R3HDM2: variants seen among roughly 807,000 people sequenced by gnomAD.
R3HDM2 encodes the protein R3H domain containing 2.
Under a neutral mutation model 124.5 loss-of-function variants are expected in R3HDM2, and 38 were observed. The observed-to-expected ratio is 0.31, with a 90% confidence interval of 0.24 to 0.40. The LOEUF (loss-of-function observed/expected upper bound fraction) is 0.40. R3HDM2 is among the 10% of genes least tolerant of loss of function. The pLI, the probability that R3HDM2 is intolerant of heterozygous loss-of-function variation, is 1.00. For missense variants in R3HDM2, 869 were observed against 1,236.9 expected (o/e 0.70, Z 4.46); for synonymous variants, 391 against 448.0 (o/e 0.87, Z 1.61).
Position 57,256,080 on chromosome 12 carries a change from A to G in R3HDM2, c.2548-6T>C, listed in dbSNP as rs375326104. 1.7e-5 allele frequency: 27 copies of G among 1,612,160 alleles called. No individual in the cohort carries two copies. Among genetic ancestry groups the G allele is most frequent in the Non-Finnish European group, 2.0e-5 (24 of 1,178,370 alleles). On this transcript the variant is annotated splice_region_variant and splice_polypyrimidine_tract_variant and intron_variant, in intron 22 of 23. Transcript: ENST00000402412. ...TGCTTCAGTCCACTCTGTCCCTTCA[A>G]CATTTGAAAGACGACTCTCATCCCA...
intron 2 of R3HDM2, among the ~76,000 whole-genome samples, chr12:57,375,820 A>G (rs1368528355): frequency 2.6e-5 from 4 of 151,872 alleles, no homozygotes; most frequent in African/African-American, 9.7e-5. Context: ...TTACAGGCCC[A>G]CACCACCATG....
At chr12:57,407,952 T>C (rs2068675420) in intron 1 of R3HDM2, among the ~76,000 whole-genome samples, 1 of 149,722 alleles carries the variant, frequency 6.7e-6, no homozygotes, top group South Asian at 2.1e-4. Context: ...TTTCTGATGG[T>C]GGAGTCTCAC....
At chr12:57,345,116 G>A (rs1291508512) in intron 2 of R3HDM2, among the ~76,000 whole-genome samples, 1 of 151,918 alleles carries the variant, frequency 6.6e-6, no homozygotes, top group African/African-American at 2.4e-5. Context: ...TTACAGGCAT[G>A]AGCCACTGCA....
At chr12:57,346,798 G>A (rs753704797) in intron 2 of R3HDM2, among the ~76,000 whole-genome samples, 22 of 152,334 alleles carry the variant, frequency 1.4e-4, no homozygotes, top group Middle Eastern at 3.4e-3. Context: ...TTTGATGTTT[G>A]AGAGCGAAAG....
At chr12:57,280,701 G>T (rs2045920988) in intron 13 of R3HDM2, among the ~76,000 whole-genome samples, 171 bp from the exon 14 acceptor site, 1 of 152,092 alleles carries the variant, frequency 6.6e-6, no homozygotes, top group Non-Finnish European at 1.5e-5. Flanking sequence ...ATGCATTTCA[G>T]CTGCCTTGCT....
chr12:57,361,150 C>A (rs2061911906), intron 2 of R3HDM2, among the ~76,000 whole-genome samples: 1 of 150,110 alleles, frequency 6.7e-6, no homozygotes, highest in African/African-American at 2.5e-5. Flanking sequence ...CCGAAGTGGG[C>A]AGATCACCTG....
In R3HDM2 at chr12:57,276,058, A is replaced by T. The variant is rs370520861; in HGVS notation, c.1344+4300T>A. 7.6e-4 allele frequency among the ~76,000 whole-genome samples: 116 copies of T among 152,250 alleles called. 1 individual carries two copies. The South Asian group carries it at 0.023, about 30-fold the overall frequency. On this transcript the variant is annotated intron_variant, in intron 14 of 23. Transcript: ENST00000402412. Reference sequence around the variant, plus strand: ...TGGTGAAACCCCGTCTCTACTAAAAATACAAAAAATTAGCTGGGCGTGGTG... The same window carrying T: ...TGGTGAAACCCCGTCTCTACTAAAATTACAAAAAATTAGCTGGGCGTGGTG...
intron 1 of R3HDM2, among the ~76,000 whole-genome samples, chr12:57,427,620 G>A (rs1008504356): frequency 6.6e-6 from 1 of 151,952 alleles, no homozygotes; most frequent in Non-Finnish European, 1.5e-5. Context: ...AAAGTGCTGG[G>A]ACTATAGGTG....
intron 1 of R3HDM2, among the ~76,000 whole-genome samples, chr12:57,419,167 G>A (rs1399233544): frequency 2.2e-5 from 3 of 138,046 alleles, no homozygotes; most frequent in African/African-American, 8.2e-5. Context: ...TTTTTGATAC[G>A]GATTCTTGCT....
chr12:57,382,818 A>G (rs1417449683), intron 2 of R3HDM2, among the ~76,000 whole-genome samples: 2 of 151,758 alleles, frequency 1.3e-5, no homozygotes, highest in African/African-American at 4.8e-5. Flanking sequence ...CCTGGGCGAC[A>G]GAGAGAGACT....
intron 1 of R3HDM2, among the ~76,000 whole-genome samples, chr12:57,425,928 A>G (rs910342403): frequency 6.6e-6 from 1 of 151,676 alleles, no homozygotes; most frequent in Non-Finnish European, 1.5e-5. Flanking sequence ...GTACCAACCA[A>G]GAAACTAAGG....
chr12:57,410,876 T>C (rs755580601), intron 1 of R3HDM2, among the ~76,000 whole-genome samples: 12 of 152,118 alleles, frequency 7.9e-5, no homozygotes, highest in Non-Finnish European at 1.5e-4. Flanking sequence ...AGAAATTCTA[T>C]TTATAAAGTA....
chr12:57,401,800 A>G (rs1052112705), intron 1 of R3HDM2, among the ~76,000 whole-genome samples: 6 of 152,048 alleles, frequency 3.9e-5, no homozygotes, highest in Admixed American at 3.9e-4. Flanking sequence ...CCTGGCCAAC[A>G]TGGTGAAACC....
chr12:57,364,292 C>T (rs914245366), intron 2 of R3HDM2, among the ~76,000 whole-genome samples: 2 of 151,792 alleles, frequency 1.3e-5, no homozygotes. Context: ...GGATTACAGA[C>T]GCACATCACC....
chr12:57,284,131 A>G, intron 12 of R3HDM2, 75 bp from the exon 13 acceptor site: 1 of 1,290,712 alleles, frequency 7.7e-7, no homozygotes, highest in Non-Finnish European at 1.1e-6. Context: ...ATTCATTTCT[A>G]TTCTCTCAAT....
At chr12:57,317,066 G>A (rs1444113143) in intron 2 of R3HDM2, among the ~76,000 whole-genome samples, 2 of 151,936 alleles carry the variant, frequency 1.3e-5, no homozygotes, top group African/African-American at 4.8e-5. Context: ...TATTTTTGTA[G>A]AGATGGGGTT....
At chr12:57,419,444 T>A (rs1055645648) in intron 1 of R3HDM2, among the ~76,000 whole-genome samples, 60 of 151,438 alleles carry the variant, frequency 4.0e-4, no homozygotes, top group African/African-American at 1.4e-3. Context: ...TATCTGGCCA[T>A]CTTTTTTTTT....
rs775905459 is a variant in R3HDM2, at chr12:57,303,159, A to G, written c.207+17T>C. ...TACTAATAACATTAGAAAAGAAGCT[A>G]GAGGAAGGGCTCTCACCTTGGCTCT... is the stretch of plus-strand genomic sequence containing the variant. On this transcript the variant is annotated intron_variant, in intron 4 of 23. Coordinates refer to ENST00000402412, the MANE Select transcript of R3HDM2 (RefSeq NM_001394031.1). 8 of 1,494,440 alleles carry G rather than the reference A, an allele frequency of 5.4e-6. No individual in the cohort carries two copies. In the South Asian group the frequency reaches 9.7e-5, roughly 18 times the overall value. 92.6% of individuals were successfully genotyped at this position (1,494,440 alleles called of 1,614,324 possible).
intron 19 of R3HDM2, among the ~76,000 whole-genome samples, chr12:57,264,393 TAAAAA>T (rs55891769): frequency 2.9e-5 from 3 of 102,542 alleles, no homozygotes; most frequent in Admixed American, 1.1e-4. Context: ...CTGCCTCTAC[TAAAAA>T]AAAAAAAAAA....
Sources: allele counts gnomAD v4.1 joint callset (sites outside exome capture counted in the v4.1 genomes callset), GRCh38; gene constraint gnomAD v4.1.1; transcripts MANE v1.5; gene names NCBI Gene and HGNC (gene_info 2026-07-23, HGNC 2026-07-21).